The following MAPRE2 variants were observed in gnomAD, a reference collection of about 807,000 sequenced individuals.
MAPRE2 encodes the protein microtubule-associated protein RP/EB family member 2.
MAPRE2 carries 13 observed loss-of-function variants against 43.2 expected under a neutral mutation model. The observed-to-expected ratio is 0.30, with a 90% CI of 0.20 to 0.48. MAPRE2 has a LOEUF of 0.48. Ranked by LOEUF, MAPRE2 falls within the 20% of genes least tolerant of loss-of-function variation. The pLI is 0.99. For synonymous variants in MAPRE2, 135 were observed against 148.8 expected (o/e 0.91, Z 0.68); for missense variants, 161 against 400.2 (o/e 0.40, Z 5.10).
intron 6 of MAPRE2, among the ~76,000 whole-genome samples, chr18:35,135,377 C>T (rs1014037672): frequency 6.6e-6 from 1 of 152,170 alleles, no homozygotes; most frequent in African/African-American, 2.4e-5. Flanking sequence ...CAGCTAGATA[C>T]TCTCCTTTCT....
At chr18:34,995,683 T>TA (rs1420666779) in intron 1 of MAPRE2, among the ~76,000 whole-genome samples, 1 of 152,204 alleles carries the variant, frequency 6.6e-6, no homozygotes, top group Admixed American at 6.5e-5. Context: ...TCCTTAGTTT[T>TA]GCTTGCTTGG....
chr18:34,978,171 C>A (rs2097014211), intron 1 of MAPRE2: 1 of 368,460 alleles, frequency 2.7e-6, no homozygotes, highest in Non-Finnish European at 4.9e-6. Context: ...ACTGCTGTCC[C>A]CTCCCTGATT....
chr18:34,988,524 T>C (rs541471819), intron 1 of MAPRE2: 1 of 152,324 alleles, frequency 6.6e-6, no homozygotes, highest in Non-Finnish European at 1.5e-5. Context: ...ATAACATCTG[T>C]GTACATCTTT....
intron 2 of MAPRE2, among the ~76,000 whole-genome samples, chr18:35,031,873 A>AT (rs1401736840): frequency 5.3e-5 from 8 of 152,202 alleles, no homozygotes; most frequent in East Asian, 3.9e-4. Context: ...TTATTCACCA[A>AT]TTTTTTTTAA....
At chr18:35,020,403 T>A (rs2097041150) in intron 2 of MAPRE2, among the ~76,000 whole-genome samples, 1 of 152,140 alleles carries the variant, frequency 6.6e-6, no homozygotes, top group Non-Finnish European at 1.5e-5. Flanking sequence ...TTCTTTAACT[T>A]TATTTTCGCC....
chr18:35,041,856 G>A, intron 1 of MAPRE2, 195 bp downstream of exon 1: 1 of 1,372,692 alleles, frequency 7.3e-7, no homozygotes. Flanking sequence ...ACTGCAGATG[G>A]AAAGCATTTT....
chr18:35,002,559 C>G (rs565633814), intron 1 of MAPRE2, among the ~76,000 whole-genome samples: 2 of 152,236 alleles, frequency 1.3e-5, no homozygotes, highest in African/African-American at 4.8e-5. Flanking sequence ...TTCTTCAAAC[C>G]CTCGCCAACA....
chr18:35,049,806 C>T (rs1385634516), intron 1 of MAPRE2, among the ~76,000 whole-genome samples: 1 of 152,084 alleles, frequency 6.6e-6, no homozygotes, highest in African/African-American at 2.4e-5. Context: ...AGAAATGTAG[C>T]GTGTAAGTAA....
chr18:35,051,463 A>G (rs1905931886), intron 1 of MAPRE2, among the ~76,000 whole-genome samples: 1 of 152,244 alleles, frequency 6.6e-6, no homozygotes, highest in Non-Finnish European at 1.5e-5. Flanking sequence ...TAGCATTGTC[A>G]TAACAATGAC....
chr18:35,120,854 A>T (rs558448510), intron 4 of MAPRE2, among the ~76,000 whole-genome samples: 1 of 152,250 alleles, frequency 6.6e-6, no homozygotes, highest in African/African-American at 2.4e-5. Flanking sequence ...CTTCTGCCAT[A>T]GTTGTTCAGC....
upstream of MAPRE2, chr18:35,041,320 G>A (rs1905343819): frequency 4.9e-6 from 7 of 1,423,366 alleles, no homozygotes; most frequent in Admixed American, 5.8e-5. Flanking sequence ...ATGGCAACAG[G>A]CTGGCCACGT....
At chr18:35,122,308 T>A (rs1218596243) in intron 4 of MAPRE2, among the ~76,000 whole-genome samples, 1 of 148,404 alleles carries the variant, frequency 6.7e-6, no homozygotes, top group East Asian at 1.9e-4. Flanking sequence ...AGTTTAACTG[T>A]TAATTATGGG....
intron 6 of MAPRE2, among the ~76,000 whole-genome samples, chr18:35,139,946 T>C (rs914998985): frequency 6.6e-6 from 1 of 152,226 alleles, no homozygotes; most frequent in African/African-American, 2.4e-5. Context: ...ATGGTTGTCA[T>C]GATGCTCTTG....
chr18:35,066,435 T>A (rs1568990537), intron 1 of MAPRE2, among the ~76,000 whole-genome samples: 1 of 152,252 alleles, frequency 6.6e-6, no homozygotes, highest in Non-Finnish European at 1.5e-5. Flanking sequence ...TATATTGTCA[T>A]ATAGATTGAG....
intron 2 of MAPRE2, among the ~76,000 whole-genome samples, chr18:35,070,847 T>C (rs1458600622): frequency 6.6e-6 from 1 of 152,210 alleles, no homozygotes; most frequent in Non-Finnish European, 1.5e-5. Context: ...CATAGCTTTT[T>C]TCATGGTTCC....
At chr18:35,044,974 TG>T (rs955975790) in intron 1 of MAPRE2, among the ~76,000 whole-genome samples, 2 of 152,220 alleles carry the variant, frequency 1.3e-5, no homozygotes, top group African/African-American at 4.8e-5. Context: ...GAAACTAGCT[TG>T]CACCTTGATT....
At chr18:35,123,483 G>T (rs1909777903) in intron 4 of MAPRE2, among the ~76,000 whole-genome samples, 1 of 152,132 alleles carries the variant, frequency 6.6e-6, no homozygotes, top group Non-Finnish European at 1.5e-5. Context: ...CCCTCAGGAG[G>T]GGCCAGTGAG....
chr18:35,119,972 T>A (rs963429901), intron 4 of MAPRE2, among the ~76,000 whole-genome samples: 2 of 152,206 alleles, frequency 1.3e-5, no homozygotes, highest in Non-Finnish European at 1.5e-5. Context: ...ACATGCTGTG[T>A]GCCAGACCCT....
intron 1 of MAPRE2, among the ~76,000 whole-genome samples, chr18:35,065,158 C>T (rs1906773701): frequency 1.3e-5 from 2 of 151,798 alleles, no homozygotes; most frequent in African/African-American, 4.8e-5. Flanking sequence ...ATTAGCTGGG[C>T]GTGGTGGCAT....
Sources: allele counts gnomAD v4.1 joint callset (sites outside exome capture counted in the v4.1 genomes callset), GRCh38; gene constraint gnomAD v4.1.1; transcripts MANE v1.5; gene names NCBI Gene and HGNC (gene_info 2026-07-23, HGNC 2026-07-21).